Variants in FGD4 observed in about 807,000 individuals in gnomAD.
The protein encoded by FGD4 is FYVE, RhoGEF and PH domain containing 4.
Under a neutral mutation model 102.0 loss-of-function variants are expected in FGD4, and 42 were observed. The ratio of observed to expected loss-of-function variants is 0.41; its 90% CI spans 0.32 to 0.53. The LOEUF is 0.53. FGD4 is among the 20% of genes least tolerant of loss of function. The probability of loss-of-function intolerance (pLI) is 0.21; values close to 1 mark genes in which losing one functional copy is unlikely to be tolerated. For synonymous variants in FGD4, 380 were observed against 375.7 expected (o/e 1.01, Z -0.13); for missense variants, 902 against 1,078.2 (o/e 0.84, Z 2.29).
chr12:32,636,268 T>C (rs928744231), intron 15 of FGD4, among the ~76,000 whole-genome samples: 2 of 152,128 alleles, frequency 1.3e-5, no homozygotes, highest in South Asian at 4.1e-4. Flanking sequence ...AGGTGCGGTG[T>C]GGCTCACGCC....
intron 2 of FGD4, among the ~76,000 whole-genome samples, chr12:32,568,434 C>T (rs997583155): frequency 2.6e-5 from 4 of 152,224 alleles, no homozygotes; most frequent in African/African-American, 9.6e-5. Flanking sequence ...CAACCTCCAG[C>T]ATAAGTCTTT....
chr12:32,612,710 C>G (rs1221052288), intron 10 of FGD4, among the ~76,000 whole-genome samples: 1 of 152,146 alleles, frequency 6.6e-6, no homozygotes, highest in East Asian at 1.9e-4. Flanking sequence ...CCTCTGTAGT[C>G]ACTATTTTTA....
Position 32,545,998 on chromosome 12 carries a change from A to C in FGD4, c.167-18139A>C, listed in dbSNP as rs144239600. Among the ~76,000 whole-genome samples the C allele has an allele frequency of 7.9e-4, 120 of 152,364 alleles. 2 individuals are homozygous for C. The East Asian group carries it at 0.022, about 28-fold the overall frequency. ...ATTCTAAGAATTCATTTTAAATCTG[A>C]AAGTTTTTCTTAAAATCTGTTTTAT... On this transcript the variant is annotated intron_variant, in intron 1 of 16. Transcript: ENST00000534526.
chr12:32,610,330 A>G (rs1949062101), intron 8 of FGD4, among the ~76,000 whole-genome samples: 1 of 152,200 alleles, frequency 6.6e-6, no homozygotes. Flanking sequence ...TATACACTGT[A>G]AGTTTCAAAG....
At chr12:32,528,298 T>G (rs755231514) in intron 1 of FGD4, among the ~76,000 whole-genome samples, 2 of 152,222 alleles carry the variant, frequency 1.3e-5, no homozygotes, top group Non-Finnish European at 2.9e-5. Flanking sequence ...GGGGATTGGT[T>G]CCAGGACCAT....
chr12:32,597,690 G>A (rs6488070), intron 4 of FGD4, among the ~76,000 whole-genome samples: 72,304 of 152,016 alleles, frequency 0.48, 19,018 homozygotes, highest in African/African-American at 0.71. Flanking sequence ...AGTTATATAA[G>A]TATATTTAAG....
intron 1 of FGD4, among the ~76,000 whole-genome samples, chr12:32,416,901 C>CA (rs1555178444): frequency 7.0e-6 from 1 of 142,712 alleles, no homozygotes; most frequent in Non-Finnish European, 1.5e-5. Context: ...TTTTCTTTTT[C>CA]TTTTTTTTTT....
chr12:32,563,686 G>A (rs539824186), intron 1 of FGD4, among the ~76,000 whole-genome samples: 1,951 of 152,244 alleles, frequency 0.013, 33 homozygotes, highest in African/African-American at 0.044. Flanking sequence ...CCGCGATCAC[G>A]CCACTGCACT....
chr12:32,485,958 CTG>C, intron 1 of FGD4: 4 of 1,314,068 alleles, frequency 3.0e-6, no homozygotes, highest in Non-Finnish European at 3.9e-6. Flanking sequence ...AAACAGAACT[CTG>C]TACTTCCCAT....
At chr12:32,400,130 T>C (rs147212928) in intron 1 of FGD4, among the ~76,000 whole-genome samples, 171 bp downstream of exon 1, 1 of 152,322 alleles carries the variant, frequency 6.6e-6, no homozygotes, top group African/African-American at 2.4e-5. Flanking sequence ...AGCTATGCTG[T>C]CCCTTCCCCC....
intron 1 of FGD4, among the ~76,000 whole-genome samples, chr12:32,476,723 A>T (rs761218324): frequency 6.6e-6 from 1 of 152,192 alleles, no homozygotes; most frequent in Non-Finnish European, 1.5e-5. Flanking sequence ...TTAAAAAAAC[A>T]TAAAAGAAGG....
At chr12:32,487,402 A>G (rs1404391109) in intron 1 of FGD4, among the ~76,000 whole-genome samples, 1 of 150,468 alleles carries the variant, frequency 6.6e-6, no homozygotes, top group Non-Finnish European at 1.5e-5. Flanking sequence ...TTGCAATTTT[A>G]AAATTTATAT....
Position 32,399,855 on chromosome 12 carries a change from C to A in FGD4, c.62C>A (p.Ser21Tyr). The A allele has an allele frequency of 6.5e-7, 1 of 1,531,498 alleles. No individual in the cohort carries two copies. The highest frequency in any genetic ancestry group is 8.7e-7 in the Non-Finnish European group (1 of 1,145,258). 94.9% of individuals were successfully genotyped at this position (1,531,498 alleles called of 1,614,324 possible). ...RVAIRRKSNP[S>Y]YLPPGVPRPW... ...GCGATCCGGCGGAAGTCCAACCCCT[C>A]CTACCTGCCGCCCGGGGTGCCCCGG... Residue 21 changes from serine (S) to tyrosine (Y), a missense_variant, in exon 1 of 17, where the codon TCC becomes TAC. By Grantham distance (144) the Ser-to-Tyr change is moderately radical. Coordinates refer to ENST00000534526, the MANE Select transcript of FGD4 (RefSeq NM_001370298.3).
chr12:32,557,786 A>G (rs1233161261), intron 1 of FGD4, among the ~76,000 whole-genome samples: 3 of 152,172 alleles, frequency 2.0e-5, no homozygotes, highest in Non-Finnish European at 4.4e-5. Context: ...TTATAACCTT[A>G]ATGTCTTTTT....
At chr12:32,516,640 T>G (rs1939923077) in intron 1 of FGD4, among the ~76,000 whole-genome samples, 1 of 152,228 alleles carries the variant, frequency 6.6e-6, no homozygotes, top group African/African-American at 2.4e-5. Context: ...AGCAGTCTGT[T>G]GGCACTTTTG....
At chr12:32,616,119 C>T (rs527331295) in intron 10 of FGD4, among the ~76,000 whole-genome samples, 1 of 152,302 alleles carries the variant, frequency 6.6e-6, no homozygotes, top group African/African-American at 2.4e-5. Context: ...CTTTGCCTTT[C>T]AGTTGCTAGG....
In FGD4 at chr12:32,633,595, A is replaced by T. The variant is rs1174768824; in HGVS notation, c.2219A>T (p.Asp740Val). The change falls in exon 15 of 17, where the codon GAT (aspartate) becomes GTT (valine). Residue 740 changes from aspartate to valine, a missense_variant. Physicochemically the swap from Asp to Val is radical, Grantham distance 152 (BLOSUM62 -3). This residue lies in a region of FGD4 where 459 missense variants were observed against 619.0 expected (regional missense o/e 0.74). Coordinates refer to ENST00000534526, the MANE Select transcript of FGD4 (RefSeq NM_001370298.3). ...CSDYKAQLEY[D>V]GGKLSKVCKD... ...GACTACAAAGCTCAACTTGAATATG[A>T]TGGTGGTAAATTGAGCAAAGTTTGT... The T allele has an allele frequency of 1.9e-6, 3 of 1,613,922 alleles. No homozygotes were observed. Among genetic ancestry groups the T allele is most frequent in the Admixed American group, 1.7e-5 (1 of 60,020 alleles).
chr12:32,488,531 C>T (rs545108731), intron 1 of FGD4, among the ~76,000 whole-genome samples: 52 of 148,074 alleles, frequency 3.5e-4, no homozygotes, highest in African/African-American at 1.1e-3. Flanking sequence ...TTTATTGACC[C>T]ATTATTTGTG....
chr12:32,523,756 T>A (rs1238443438), intron 1 of FGD4, among the ~76,000 whole-genome samples: 1 of 145,870 alleles, frequency 6.9e-6, no homozygotes, highest in Non-Finnish European at 1.5e-5. Flanking sequence ...GGGCAGATCA[T>A]GAGGTCAGGA....
Sources: gnomAD v4.1 joint callset for allele counts (sites outside exome capture counted in the v4.1 genomes callset) on GRCh38, gnomAD v4.1.1 for gene constraint, gnomAD v4.1.1 regional missense constraint, MANE v1.5 for transcripts, NCBI Gene and HGNC (gene_info 2026-07-23, HGNC 2026-07-21) for gene names.